Variants in SH3TC1 observed in about 807,000 individuals in gnomAD.
SH3TC1 encodes the protein SH3 domain and tetratricopeptide repeats 1.
SH3TC1 carries 135 observed loss-of-function variants against 117.3 expected under a neutral mutation model. The observed-to-expected ratio is 1.15, with a 90% CI of 1.00 to 1.33. SH3TC1 has a LOEUF of 1.33. Among genes scored for constraint, SH3TC1 ranks in the 40% most tolerant of loss-of-function variants. The pLI is 0.00. For missense variants in SH3TC1, 2,092 were observed against 1,794.3 expected (o/e 1.17, Z -3.00); for synonymous variants, 898 against 816.9 (o/e 1.10, Z -1.69).
rs1463647893 is a variant in SH3TC1, at chr4:8,214,464, T to C, written c.376-11T>C. ...TGGGGACCTCTCGAATTCCTATTTC[T>C]TTCTCTTAAGGAATTATCAGCCAGG... On this transcript the variant is annotated splice_polypyrimidine_tract_variant and intron_variant, in intron 4 of 17. Coordinates refer to ENST00000245105, the MANE Select transcript of SH3TC1 (RefSeq NM_018986.5). The C allele has an allele frequency of 6.2e-6, 10 of 1,612,640 alleles. No homozygotes were observed. The highest frequency in any genetic ancestry group is 8.5e-6 in the Non-Finnish European group (10 of 1,178,924).
rs143647856 is a variant in SH3TC1 at position 8,210,397 on chromosome 4, C to G, written c.247+575C>G. Among the ~76,000 whole-genome samples the G allele has an allele frequency of 6.6e-6, 1 of 152,268 alleles. No individual in the cohort carries two copies. Among genetic ancestry groups the G allele is most frequent in the Non-Finnish European group, 1.5e-5 (1 of 68,048 alleles). On this transcript the variant is annotated intron_variant, in intron 3 of 17. Coordinates refer to ENST00000245105, the MANE Select transcript of SH3TC1 (RefSeq NM_018986.5). This position sits in a 1 kb window ranked among gnomAD's most constrained non-coding sequence, Gnocchi z 4.1. ...GCGGTGATGCCCGACTGTCCTTTGA[C>G]TTTCCTTTTGTGTGGTCAGCACTGC...
chr4:8,235,209 G>A (rs559791966), intron 14 of SH3TC1, among the ~76,000 whole-genome samples: 29 of 152,336 alleles, frequency 1.9e-4, no homozygotes, highest in African/African-American at 4.3e-4. Flanking sequence ...CACAGATGTC[G>A]GGCTCCTGGG....
At chr4:8,204,409 C>A (rs201120580) in intron 1 of SH3TC1, among the ~76,000 whole-genome samples, 13 of 152,278 alleles carry the variant, frequency 8.5e-5, no homozygotes, top group East Asian at 7.7e-4. Flanking sequence ...GATGGAACCC[C>A]TTTTCCTTCC....
At position 8,192,855 on chromosome 4, in the gene SH3TC1, A is replaced by G. The variant is rs1717457556; in HGVS notation, c.-57+10645A>G. Among the ~76,000 whole-genome samples the G allele has an allele frequency of 2.0e-5, 3 of 152,102 alleles. No homozygotes were observed. In the South Asian group the frequency reaches 6.2e-4, roughly 31 times the overall value. ...TTTAGGTTCATGTCGCCACCTGGTG[A>G]TTGGCTTCTCTGTGCATATATTTGC... On this transcript the variant is annotated intron_variant, in intron 1 of 16. Transcript: ENST00000508641. The surrounding 1 kb of genome is among the most constrained non-coding windows in gnomAD (Gnocchi z 4.1).
At chr4:8,219,031 G>A (rs776453632) in intron 8 of SH3TC1, among the ~76,000 whole-genome samples, 4 of 152,178 alleles carry the variant, frequency 2.6e-5, no homozygotes, top group South Asian at 2.1e-4. Flanking sequence ...AGGTGGGGCC[G>A]GGGGTTGTGG....
At chr4:8,214,066 G>T (rs886621971) in intron 4 of SH3TC1, among the ~76,000 whole-genome samples, 4 of 152,112 alleles carry the variant, frequency 2.6e-5, no homozygotes, top group African/African-American at 9.7e-5. Flanking sequence ...GGATGCTGGC[G>T]GGGGGATGGA....
At position 8,183,458 on chromosome 4, in the gene SH3TC1, G is replaced by A. The variant is rs947373198; in HGVS notation, c.-57+1248G>A. ...AGGCGTGGCCCAGGGAGGCTCCCGG[G>A]CTGGCCTGAGGCCCATGGCAAGCAG... is the stretch of plus-strand genomic sequence containing the variant. On this transcript the variant is annotated intron_variant, in intron 1 of 16. Coordinates refer to the SH3TC1 transcript ENST00000508641. This position sits in a 1 kb window ranked among gnomAD's most constrained non-coding sequence, Gnocchi z 5.4. Among the ~76,000 whole-genome samples, 2 of 152,206 alleles carry A rather than the reference G, an allele frequency of 1.3e-5. No individual in the cohort carries two copies. Among genetic ancestry groups the A allele is most frequent in the African/African-American group, 2.4e-5 (1 of 41,452 alleles).
In SH3TC1 at chr4:8,183,953, T is replaced by C. The variant is rs1717153409; in HGVS notation, c.-57+1743T>C. On this transcript the variant is annotated intron_variant, in intron 1 of 16. Coordinates refer to the SH3TC1 transcript ENST00000508641. This position sits in a 1 kb window ranked among gnomAD's most constrained non-coding sequence, Gnocchi z 5.4. The stretch of plus-strand genomic sequence containing the variant: ...TTTTAGTAGATACGGGGTTTCACCA[T>C]GTTGGCCAGGCTGGTCTCGAACTCC... 6.6e-6 allele frequency among the ~76,000 whole-genome samples: 1 copy of C among 152,178 alleles called. No homozygotes were observed. The highest frequency in any genetic ancestry group is 1.5e-5 in the Non-Finnish European group (1 of 68,028).
At chr4:8,203,665 C>T (rs1717984467) in intron 1 of SH3TC1, among the ~76,000 whole-genome samples, 1 of 152,080 alleles carries the variant, frequency 6.6e-6, no homozygotes, top group South Asian at 2.1e-4. Context: ...CCTCCCATCT[C>T]CCCGCCCCTG....
At chr4:8,193,001 A>C (rs150910563) in intron 1 of SH3TC1, among the ~76,000 whole-genome samples, 19 of 152,354 alleles carry the variant, frequency 1.2e-4, no homozygotes, top group African/African-American at 4.6e-4. Flanking sequence ...CCACATGACC[A>C]CATCTGGCCC....
chr4:8,209,580 C>G lies in SH3TC1; in HGVS notation c.173-168C>G, dbSNP rs1718473239. On this transcript the variant is annotated intron_variant, in intron 2 of 17. Coordinates refer to ENST00000245105, the MANE Select transcript of SH3TC1 (RefSeq NM_018986.5). The surrounding 1 kb of genome is among the most constrained non-coding windows in gnomAD (Gnocchi z 5.9). The stretch of plus-strand genomic sequence containing the variant: ...GCTGGGAAGTGCAGGCAGCTTCCCT[C>G]CTTGCTGGGCTCTGGGGAGACTGGA... 3.3e-6 allele frequency: 5 copies of G among 1,500,992 alleles called. No individual in the cohort carries two copies. In the East Asian group the frequency reaches 1.2e-4, roughly 37 times the overall value. 93.0% of individuals were successfully genotyped at this position (1,500,992 alleles called of 1,614,324 possible).
intron 1 of SH3TC1, among the ~76,000 whole-genome samples, chr4:8,203,892 G>A (rs1350220937): frequency 1.3e-5 from 2 of 152,168 alleles, no homozygotes; most frequent in African/African-American, 4.8e-5. Context: ...CCCCTGCCAC[G>A]TTCCCCGCCC....
intron 1 of SH3TC1, among the ~76,000 whole-genome samples, chr4:8,193,937 C>T (rs1290455557): frequency 6.6e-6 from 1 of 152,242 alleles, no homozygotes; most frequent in Non-Finnish European, 1.5e-5. Flanking sequence ...CAGAAACTGC[C>T]TGTGCCTTCC....
chr4:8,197,803 C>T (rs1717610352), upstream of SH3TC1, among the ~76,000 whole-genome samples: 2 of 152,218 alleles, frequency 1.3e-5, no homozygotes, highest in Non-Finnish European at 2.9e-5. Context: ...GAGGGTGTGA[C>T]TTGAGGGCTC....
intron 10 of SH3TC1, among the ~76,000 whole-genome samples, chr4:8,224,255 C>A (rs762497802): frequency 2.0e-5 from 3 of 152,242 alleles, no homozygotes; most frequent in Non-Finnish European, 4.4e-5. Context: ...CGATGACATG[C>A]ATTACAAGAC....
At chr4:8,235,342 G>T in intron 14 of SH3TC1, 91 bp from the exon 15 acceptor site, 1 of 1,384,702 alleles carries the variant, frequency 7.2e-7, no homozygotes. Flanking sequence ...CAGTGTGTGA[G>T]AGGAAGGAGG....
In SH3TC1 at chr4:8,225,208, A is replaced by G. The variant is rs1720347419; in HGVS notation, c.1277A>G (p.Gln426Arg). The G allele has an allele frequency of 6.2e-7, 1 of 1,613,778 alleles. No homozygotes were observed. Among genetic ancestry groups the G allele is most frequent in the African/African-American group, 1.3e-5 (1 of 75,024 alleles). The part of the protein sequence containing the change: ...SVEEAETEQP[Q>R]EKEIPPPCLS... ...GAGGAAGCTGAGACCGAGCAGCCGC[A>G]GGAAAAAGGTGGGTTTTGCCAGTGG... is the stretch of plus-strand genomic sequence containing the variant. Residue 426 changes from glutamine to arginine, a missense_variant, in exon 11 of 18, where the codon CAG becomes CGG. Physicochemically the swap from Gln to Arg is conservative, Grantham distance 43. Transcript: ENST00000245105. The surrounding 1 kb of genome is among the most constrained non-coding windows in gnomAD (Gnocchi z 5.5).
At chr4:8,204,990 G>T (rs1718076898) in intron 1 of SH3TC1, 177 bp from the exon 2 acceptor site, 1 of 442,542 alleles carries the variant, frequency 2.3e-6, no homozygotes, top group Admixed American at 4.1e-5. Flanking sequence ...CGCAGCAGCG[G>T]TGCGGGATCA....
rs936231853 is a variant in SH3TC1, at chr4:8,188,612, A to G, written c.-57+6402A>G. On this transcript the variant is annotated intron_variant, in intron 1 of 16. Transcript: ENST00000508641. ...TCTGTGGTACCTGGACCGCTACGCT[A>G]CCCTTGGTGAGCAGGGGAGGGCTAT... Among the ~76,000 whole-genome samples the G allele has an allele frequency of 2.6e-5, 4 of 152,172 alleles. No individual in the cohort carries two copies. In the East Asian group the frequency reaches 7.7e-4, roughly 29 times the overall value.
Sources: allele counts gnomAD v4.1 joint callset (sites outside exome capture counted in the v4.1 genomes callset), GRCh38; gene constraint gnomAD v4.1.1; non-coding constraint Gnocchi (gnomAD v3.1); transcripts MANE v1.5; gene names NCBI Gene and HGNC (gene_info 2026-07-23, HGNC 2026-07-21).